Variants in SKOR2 observed in about 807,000 individuals in gnomAD.
SKOR2 encodes the protein LBX1 corepressor 1-like protein.
A neutral mutation model predicts 69.1 loss-of-function variants in SKOR2; 47 were observed. The observed-to-expected ratio is 0.68, with a 90% CI of 0.54 to 0.87. The LOEUF (loss-of-function observed/expected upper bound fraction) is 0.87. SKOR2 is among the 40% of genes least tolerant of loss of function. The pLI, the probability that SKOR2 is intolerant of heterozygous loss-of-function variation, is 0.00. For synonymous variants in SKOR2, 717 were observed against 672.6 expected (o/e 1.07, Z -1.02); for missense variants, 1,404 against 1,472.2 (o/e 0.95, Z 0.76).
intron 4 of SKOR2, among the ~76,000 whole-genome samples, chr18:47,231,491 G>C (rs1448057082): frequency 6.6e-6 from 1 of 152,092 alleles, no homozygotes; most frequent in Non-Finnish European, 1.5e-5. Context: ...GAGGCTTTGA[G>C]TTGTAAATGA....
At chr18:47,208,321 G>A (rs993660448) in intron 8 of SKOR2, among the ~76,000 whole-genome samples, 1 of 152,162 alleles carries the variant, frequency 6.6e-6, no homozygotes, top group African/African-American at 2.4e-5. Context: ...AACAGGATCT[G>A]CCTTACAGCA....
chr18:47,251,314 A>G (rs2064311624), intron 1 of SKOR2, 60 bp downstream of exon 1: 1 of 151,920 alleles, frequency 6.6e-6, no homozygotes, highest in Non-Finnish European at 1.5e-5. Flanking sequence ...ACCGCTGGGG[A>G]TCTCAAATAG....
At position 47,245,478 on chromosome 18, in the gene SKOR2, A is replaced by ATTTT. The variant is rs10670977; in HGVS notation, c.2677+16_2677+19dup. On this transcript the variant is annotated intron_variant, in intron 3 of 8. Transcript: ENST00000425639. ...ATGCAGGCAAGAAAAGTGGCAGCTG[A>ATTTT]TTTTTTTTTTTTTTTTTACCTGAAA... 6,107 of 1,191,998 alleles carry ATTTT rather than the reference A, an allele frequency of 5.1e-3. 168 individuals are homozygous for ATTTT. Among genetic ancestry groups the ATTTT allele is most frequent in the African/African-American group, 0.049 (2,156 of 43,738 alleles). 73.8% of individuals were successfully genotyped at this position (1,191,998 alleles called of 1,614,324 possible).
chr18:47,241,050 A>G (rs1194354874), intron 4 of SKOR2, among the ~76,000 whole-genome samples: 1 of 152,200 alleles, frequency 6.6e-6, no homozygotes, highest in African/African-American at 2.4e-5. Flanking sequence ...TGTGTAGACT[A>G]CGATTATAGT....
chr18:47,226,512 CTCCTTTT>C (rs1295645404), intron 6 of SKOR2, among the ~76,000 whole-genome samples: 1 of 152,174 alleles, frequency 6.6e-6, no homozygotes, highest in African/African-American at 2.4e-5. Flanking sequence ...ATTCCAGCTT[CTCCTTTT>C]TCCTTAGTAT....
chr18:47,247,867 T>TGCGCCC lies in SKOR2; in HGVS notation c.1311_1316dup (p.Ala439_Gly440dup), dbSNP rs1291088095. The TGCGCCC allele has an allele frequency of 8.1e-6, 11 of 1,356,898 alleles. No individual in the cohort carries two copies. The African/African-American group carries it at 1.1e-4, about 13-fold the overall frequency. 84.1% of individuals were successfully genotyped at this position (1,356,898 alleles called of 1,614,324 possible). A position where few individuals can be genotyped will look rare whatever the true frequency, so the allele number is the denominator to read the frequency against. On this transcript the variant is annotated inframe_insertion, in exon 2 of 9. Coordinates refer to ENST00000425639, the MANE Select transcript of SKOR2 (RefSeq NM_001278063.4). The surrounding 1 kb of genome is among the most constrained non-coding windows in gnomAD (Gnocchi z 6.6). ...CCTTGGGCGCCGCGCCCGCGCCGCC[T>TGCGCCC]GCGCCCGCGCCCCCCAGGGCCTCAG...
Position 47,247,142 on chromosome 18 carries a change from G to C in SKOR2, c.2042C>G (p.Pro681Arg), listed in dbSNP as rs1186791504. 7.8e-7 allele frequency: 1 copy of C among 1,280,230 alleles called. No individual in the cohort carries two copies. The allele number at this position is 1,280,230 out of a possible 1,614,324, so 79.3% of individuals were successfully genotyped here. The change falls in exon 2 of 9, where the codon CCG becomes CGG. Residue 681 changes from proline (P) to arginine (R), a missense_variant. Transcript: ENST00000425639. This position sits in a 1 kb window ranked among gnomAD's most constrained non-coding sequence, Gnocchi z 6.6. ...QPPSPLLLLP[P>R]QPDEPGSERH... ...CTCGGAACCCGGCTCGTCGGGCTGC[G>C]GGGGCAGCAGCAGAAGCGGCGACGG...
At chr18:47,240,690 CTTAA>C (rs1008810619) in intron 4 of SKOR2, among the ~76,000 whole-genome samples, 3 of 152,092 alleles carry the variant, frequency 2.0e-5, no homozygotes, top group Non-Finnish European at 4.4e-5. Flanking sequence ...AAAGGCTAAA[CTTAA>C]TTAAAATGAT....
At position 47,247,075 on chromosome 18, in the gene SKOR2, C is replaced by A. The variant is rs2064279563; in HGVS notation, c.2109G>T (p.Pro703=). The change falls in exon 2 of 9, where the codon CCG becomes CCT. Residue 703 remains proline (P), a synonymous_variant. Coordinates refer to ENST00000425639, the MANE Select transcript of SKOR2 (RefSeq NM_001278063.4). The surrounding 1 kb of genome is among the most constrained non-coding windows in gnomAD (Gnocchi z 6.6). ...PAPPPPPPPP[P]PPPLAQHPHH... is the part of the protein sequence containing the mutation. The stretch of plus-strand genomic sequence containing the variant: ...GCGGGTGCTGGGCCAGAGGGGGCGG[C>A]GGGGGCGGCGGCGGCGGCGGCGGCG... 6.3e-6 allele frequency: 3 copies of A among 477,332 alleles called. No individual in the cohort carries two copies. Among genetic ancestry groups the A allele is most frequent in the Non-Finnish European group, 9.1e-6 (3 of 331,202 alleles). The allele number at this position is 477,332 out of a possible 1,614,324, so 29.6% of individuals were successfully genotyped here.
In SKOR2 at chr18:47,247,765, C is replaced by T. The variant is rs1277447631; in HGVS notation, c.1419G>A (p.Pro473=). The change falls in exon 2 of 9, where the codon CCG becomes CCA. Residue 473 remains proline, a synonymous_variant. Coordinates refer to ENST00000425639, the MANE Select transcript of SKOR2 (RefSeq NM_001278063.4). The surrounding 1 kb of genome is among the most constrained non-coding windows in gnomAD (Gnocchi z 6.6). ...GCACCGGGAGCCCGCCAGGGGTCCG[C>T]GGCGGCCAGAACATGCAGAAGGGCG... ...FYPPFCMFWP[P]RTPGGLPVPT... is the part of the protein sequence containing the mutation. 4 of 1,382,654 alleles carry T rather than the reference C, an allele frequency of 2.9e-6. No homozygotes were observed. The highest frequency in any genetic ancestry group is 3.7e-6 in the Non-Finnish European group (4 of 1,077,572). 85.6% of individuals were successfully genotyped at this position (1,382,654 alleles called of 1,614,324 possible). A position where few individuals can be genotyped will look rare whatever the true frequency, so the allele number is the denominator to read the frequency against.
chr18:47,248,134 GC>G lies in SKOR2; in HGVS notation c.1049del (p.Gly350AlafsTer146). ...AASGGAGTGGGGAGGGCVAGV... is the reference protein window; with the variant it reads ...AASGGAGTGGXGAGGGCVAGV... ...CGGCCACACAGCCACCCCCAGCGCC[GC>G]CCCCACCAGTCCCCGCGCCGCCCGA... On this transcript the variant is annotated frameshift_variant, in exon 2 of 9. Transcript: ENST00000425639. LOFTEE classifies it high-confidence loss of function. The surrounding 1 kb of genome is among the most constrained non-coding windows in gnomAD (Gnocchi z 6.4). 1 of 1,277,890 alleles carries G rather than the reference GC, an allele frequency of 7.8e-7. No homozygotes were observed. Among genetic ancestry groups the G allele is most frequent in the Non-Finnish European group, 9.8e-7 (1 of 1,020,720 alleles). 79.2% of individuals were successfully genotyped at this position (1,277,890 alleles called of 1,614,324 possible).
chr18:47,249,705 C>A (rs1054060091), intron 1 of SKOR2, among the ~76,000 whole-genome samples: 1 of 152,150 alleles, frequency 6.6e-6, no homozygotes, highest in Non-Finnish European at 1.5e-5. Flanking sequence ...ACCCCCAAAA[C>A]CCTTTAAAAA....
Position 47,248,793 on chromosome 18 carries a change from G to C in SKOR2, c.391C>G (p.Leu131Val). The C allele has an allele frequency of 6.4e-7, 1 of 1,553,440 alleles. No homozygotes were observed. The change falls in exon 2 of 9, where the codon CTG becomes GTG. Residue 131 changes from leucine to valine, a missense_variant. By Grantham distance (32) the Leu-to-Val change is conservative. Coordinates refer to ENST00000425639, the MANE Select transcript of SKOR2 (RefSeq NM_001278063.4). The surrounding 1 kb of genome is among the most constrained non-coding windows in gnomAD (Gnocchi z 6.4). ...REAERLCKSF[L>V]GENRPPKLPD... ...AGCTTGGGCGGCCTGTTTTCGCCCA[G>C]GAACGACTTGCACAGACGCTCGGCC...
rs745925641 is a variant in SKOR2, at chr18:47,248,748, C to G, written c.436G>C (p.Asp146His). ...CCCCAGGCGCACTCGTGTGACACGT[C>G]GAAGGCGAAATTGTCTGGCAGCTTG... ...PPKLPDNFAF[D>H]VSHECAWGCR... The change falls in exon 2 of 9, where the codon GAC becomes CAC. Residue 146 changes from aspartate (D) to histidine (H), a missense_variant. This residue lies in a region of SKOR2 where 1,266 missense variants were observed against 1,309.9 expected (regional missense o/e 0.97). Transcript: ENST00000425639. The surrounding 1 kb of genome is among the most constrained non-coding windows in gnomAD (Gnocchi z 6.4). 1 of 1,551,836 alleles carries G rather than the reference C, an allele frequency of 6.4e-7. No homozygotes were observed. The highest frequency in any genetic ancestry group is 8.7e-7 in the Non-Finnish European group (1 of 1,155,230).
chr18:47,208,243 T>TG (rs1313999340), intron 8 of SKOR2, among the ~76,000 whole-genome samples: 1 of 152,234 alleles, frequency 6.6e-6, no homozygotes, highest in Non-Finnish European at 1.5e-5. Flanking sequence ...GATTGAATCC[T>TG]GTATCTGTCA....
chr18:47,234,828 T>C (rs2064214755), intron 4 of SKOR2, among the ~76,000 whole-genome samples: 1 of 131,736 alleles, frequency 7.6e-6, no homozygotes, highest in Non-Finnish European at 1.5e-5. Context: ...GCCACTGCAT[T>C]CTAGTCTGGG....
chr18:47,249,823 A>T (rs1016120398), intron 1 of SKOR2, among the ~76,000 whole-genome samples: 16 of 152,294 alleles, frequency 1.1e-4, no homozygotes, highest in African/African-American at 3.9e-4. Context: ...TTGCCATTAG[A>T]TATTTTGTTA....
At chr18:47,239,169 G>A (rs2064237988) in intron 4 of SKOR2, among the ~76,000 whole-genome samples, 1 of 151,956 alleles carries the variant, frequency 6.6e-6, no homozygotes, top group Non-Finnish European at 1.5e-5. Flanking sequence ...GGCATAGAGA[G>A]GTTTTTAAAA....
At chr18:47,235,339 GAC>G (rs1364849974) in intron 4 of SKOR2, among the ~76,000 whole-genome samples, 1 of 152,122 alleles carries the variant, frequency 6.6e-6, no homozygotes, top group Non-Finnish European at 1.5e-5. Flanking sequence ...CAGCCTGGGT[GAC>G]AGAGTGAGAC....
Sources: allele counts gnomAD v4.1 joint callset (sites outside exome capture counted in the v4.1 genomes callset), GRCh38; gene constraint gnomAD v4.1.1; regional missense constraint gnomAD v4.1.1; non-coding constraint Gnocchi (gnomAD v3.1); transcripts MANE v1.5; gene names NCBI Gene and HGNC (gene_info 2026-07-23, HGNC 2026-07-21).